Variants in URB2 observed in about 807,000 individuals in gnomAD.
URB2 encodes the protein unhealthy ribosome biogenesis protein 2 homolog.
URB2 carries 86 observed loss-of-function variants against 120.9 expected under a neutral mutation model. The ratio of observed to expected loss-of-function variants is 0.71; its 90% CI spans 0.60 to 0.85. The LOEUF is 0.85. Among genes scored for constraint, URB2 ranks in the 40% least tolerant of loss-of-function variants. The probability of loss-of-function intolerance (pLI) is 0.00; values close to 1 mark genes in which losing one functional copy is unlikely to be tolerated. For missense variants in URB2, 1,765 were observed against 1,836.5 expected, an observed-to-expected ratio of 0.96 and a Z score of 0.71; for synonymous variants, 755 against 758.4, an observed-to-expected ratio of 1.00 and a Z score of 0.07.
In URB2 at chr1:229,635,679, G is replaced by C. The variant is rs767066194; in HGVS notation, c.1066G>C (p.Glu356Gln). The change falls in exon 4 of 10, where the codon GAG (glutamate) becomes CAG (glutamine). Residue 356 changes from glutamate to glutamine, a missense_variant. By Grantham distance (29) the Glu-to-Gln change is conservative (BLOSUM62 2). Coordinates refer to ENST00000258243, the MANE Select transcript of URB2 (RefSeq NM_014777.4). Reference protein sequence around the residue: ...KALSTSDWTTELLVVEQLLNS... With the variant: ...KALSTSDWTTQLLVVEQLLNS... ...CCTGTCCACATCAGATTGGACCACA[G>C]AGCTTTTGGTTGTGGAACAGCTACT... 3.1e-6 allele frequency: 5 copies of C among 1,614,196 alleles called. No homozygotes were observed. The Admixed American group carries it at 8.3e-5, about 27-fold the overall frequency.
chr1:229,648,249 C>G (rs2102795756), intron 7 of URB2, among the ~76,000 whole-genome samples: 1 of 152,246 alleles, frequency 6.6e-6, no homozygotes, highest in East Asian at 1.9e-4. Flanking sequence ...TTAGATGGGT[C>G]CCATCTCCAA....
At position 229,647,825 on chromosome 1, in the gene URB2, G is replaced by A; in HGVS notation, c.4149+73G>A. ...GGTACTTGAAGTCTGTAGAAAAGTGGCAGCAAAACTTTACTGTTGCAGGAT... is the reference window on the plus strand; with the variant it reads ...GGTACTTGAAGTCTGTAGAAAAGTGACAGCAAAACTTTACTGTTGCAGGAT... On this transcript the variant is annotated intron_variant, in intron 7 of 9. Transcript: ENST00000258243. The A allele has an allele frequency of 9.7e-6, 15 of 1,538,896 alleles. No homozygotes were observed. The South Asian group carries it at 1.7e-4, about 18-fold the overall frequency.
intron 9 of URB2, 101 bp downstream of exon 9, chr1:229,654,489 C>A: frequency 6.5e-7 from 1 of 1,537,520 alleles, no homozygotes; most frequent in Non-Finnish European, 8.9e-7. Flanking sequence ...TCTGACAGTT[C>A]TCTGTTGCTG....
chr1:229,635,333 G>A lies in URB2; in HGVS notation c.720G>A (p.Met240Ile), dbSNP rs148010009. 1.1e-5 allele frequency: 17 copies of A among 1,614,194 alleles called. No individual in the cohort carries two copies. In the African/African-American group the frequency reaches 2.0e-4, roughly 19 times the overall value. Reference sequence around the variant, plus strand: ...ACATCAGGAGTCAGATTGAGGCCATGTTCCGAGGAGGGATTTTTCAGCCTG... The same window carrying A: ...ACATCAGGAGTCAGATTGAGGCCATATTCCGAGGAGGGATTTTTCAGCCTG... ...SRDIRSQIEAMFRGGIFQPEL... is the reference protein window; with the variant it reads ...SRDIRSQIEAIFRGGIFQPEL... Residue 240 changes from methionine to isoleucine, a missense_variant, in exon 4 of 10, where the codon ATG becomes ATA. By Grantham distance (10) the Met-to-Ile change is conservative. Transcript: ENST00000258243.
rs1666143456 is a variant in URB2, at chr1:229,646,195, T to G, written c.3906+226T>G. Among the ~76,000 whole-genome samples the G allele has an allele frequency of 2.0e-5, 3 of 152,168 alleles. No homozygotes were observed. In the South Asian group the frequency reaches 6.2e-4, roughly 32 times the overall value. On this transcript the variant is annotated intron_variant, in intron 6 of 9. Transcript: ENST00000258243. Reference sequence around the variant, plus strand: ...AAGGGAAGTGCTAACAAGGGACATTTAGTAGCACTGGGAAGCATCAGACAG... The same window carrying G: ...AAGGGAAGTGCTAACAAGGGACATTGAGTAGCACTGGGAAGCATCAGACAG...
At position 229,659,580 on chromosome 1, in the gene URB2, T is replaced by G; in HGVS notation, c.*283T>G. 6.8e-6 allele frequency: 2 copies of G among 294,292 alleles called. No individual in the cohort carries two copies. Among genetic ancestry groups the G allele is most frequent in the South Asian group, 6.5e-5 (1 of 15,438 alleles). 18.2% of individuals were successfully genotyped at this position (294,292 alleles called of 1,614,324 possible). A position where few individuals can be genotyped will look rare whatever the true frequency, so the allele number is the denominator to read the frequency against. Reference sequence around the variant, plus strand: ...GAAAAATTGCTGACTCTTGGGACCTTTCTGTGTTTGGTTCTCGTCTTGGCT... The same window carrying G: ...GAAAAATTGCTGACTCTTGGGACCTGTCTGTGTTTGGTTCTCGTCTTGGCT... On this transcript the variant is annotated 3_prime_UTR_variant, in exon 10 of 10. Coordinates refer to ENST00000258243, the MANE Select transcript of URB2 (RefSeq NM_014777.4).
chr1:229,627,853 TAG>T (rs1665550775), intron 2 of URB2, 94 bp downstream of exon 2: 4 of 1,430,800 alleles, frequency 2.8e-6, no homozygotes, highest in Non-Finnish European at 3.7e-6. Flanking sequence ...AATAAAAAAA[TAG>T]AGAAAAAGTT....
intron 4 of URB2, among the ~76,000 whole-genome samples, chr1:229,639,040 C>A (rs1170393538): frequency 6.6e-6 from 1 of 151,968 alleles, no homozygotes; most frequent in Non-Finnish European, 1.5e-5. Flanking sequence ...CAGAGCCAGG[C>A]GTGGCAGCTC....
At chr1:229,647,851 A>G in intron 7 of URB2, 99 bp downstream of exon 7, 1 of 1,489,574 alleles carries the variant, frequency 6.7e-7, no homozygotes. Flanking sequence ...GTTGCAGGAT[A>G]ATAATACAAA....
At chr1:229,651,774 C>T (rs1182567670) in intron 8 of URB2, among the ~76,000 whole-genome samples, 1 of 152,162 alleles carries the variant, frequency 6.6e-6, no homozygotes, top group East Asian at 1.9e-4. Context: ...TGTTTGTTTA[C>T]TAGGGAAACA....
In URB2 at chr1:229,636,994, C is replaced by G. The variant is rs1309131287; in HGVS notation, c.2381C>G (p.Ala794Gly). The G allele has an allele frequency of 6.2e-7, 1 of 1,614,100 alleles. No homozygotes were observed. The highest frequency in any genetic ancestry group is 1.7e-5 in the Admixed American group (1 of 60,032). Residue 794 changes from alanine to glycine, a missense_variant, in exon 4 of 10, where the codon GCC becomes GGC. Physicochemically the swap from Ala to Gly is moderately conservative, Grantham distance 60. Coordinates refer to ENST00000258243, the MANE Select transcript of URB2 (RefSeq NM_014777.4). The stretch of plus-strand genomic sequence containing the variant: ...ATCACACTGGAAAAAATATCCAAAG[C>G]CTTCCTTCATAGCCCTCTCTTTCCA... ...AYITLEKISK[A>G]FLHSPLFPEM...
rs1224226458 is a variant in URB2, at chr1:229,635,149, A to G, written c.536A>G (p.His179Arg). Residue 179 changes from histidine (H) to arginine (R), a missense_variant, in exon 4 of 10, where the codon CAT (histidine) becomes CGT (arginine). Coordinates refer to ENST00000258243, the MANE Select transcript of URB2 (RefSeq NM_014777.4). ...GAGGTCATTCACCTGGCCCTTGGCC[A>G]TTATCTCTTGATCCTGCAGCAGCAG... Reference protein sequence around the residue: ...LFEVIHLALGHYLLILQQQVN... With the variant: ...LFEVIHLALGRYLLILQQQVN... 2.5e-6 allele frequency: 4 copies of G among 1,613,958 alleles called. No homozygotes were observed. Among genetic ancestry groups the G allele is most frequent in the East Asian group, 2.2e-5 (1 of 44,890 alleles).
In URB2 at chr1:229,634,952, G is replaced by A. The variant is rs751410639; in HGVS notation, c.339G>A (p.Ser113=). 14 of 1,542,092 alleles carry A rather than the reference G, an allele frequency of 9.1e-6. No individual in the cohort carries two copies. Among genetic ancestry groups the A allele is most frequent in the African/African-American group, 1.4e-5 (1 of 72,146 alleles). The part of the protein sequence containing the change: ...INERVAEFSL[S]GSQRNICAVL... Reference sequence around the variant, plus strand: ...AGAGAGTAGCTGAGTTCTCTCTTTCGGGATCCCAAAGAAACATCTGTGCTG... The same window carrying A: ...AGAGAGTAGCTGAGTTCTCTCTTTCAGGATCCCAAAGAAACATCTGTGCTG... The change falls in exon 4 of 10, where the codon TCG becomes TCA. Residue 113 remains serine, a synonymous_variant. Transcript: ENST00000258243.
chr1:229,635,774 C>T lies in URB2; in HGVS notation c.1161C>T (p.Phe387=). Residue 387 remains phenylalanine (F), a synonymous_variant, in exon 4 of 10, where the codon TTC becomes TTT. Coordinates refer to ENST00000258243, the MANE Select transcript of URB2 (RefSeq NM_014777.4). ...ADRIRHEEAQ[F]RFYRHVAELL... is the part of the protein sequence containing the mutation. ...GAATTCGGCACGAAGAGGCTCAGTT[C>T]CGCTTTTACCGCCACGTGGCTGAGC... The T allele has an allele frequency of 6.2e-7, 1 of 1,614,224 alleles. No homozygotes were observed. The highest frequency in any genetic ancestry group is 1.1e-5 in the South Asian group (1 of 91,086).
chr1:229,650,497 C>T (rs1032168618), intron 7 of URB2, among the ~76,000 whole-genome samples: 5 of 152,136 alleles, frequency 3.3e-5, no homozygotes, highest in African/African-American at 1.2e-4. Context: ...GTGGTGCGAT[C>T]TTGGCTCACT....
intron 1 of URB2, among the ~76,000 whole-genome samples, chr1:229,626,557 C>G (rs931795754): frequency 6.6e-6 from 1 of 152,244 alleles, no homozygotes; most frequent in Non-Finnish European, 1.5e-5. Flanking sequence ...AAGGCGAACT[C>G]CCTCCTGGCT....
chr1:229,646,467 G>A (rs1174156184), intron 6 of URB2, among the ~76,000 whole-genome samples: 2 of 152,106 alleles, frequency 1.3e-5, no homozygotes, highest in African/African-American at 4.8e-5. Context: ...CAGCCAGCTT[G>A]TAGATGCCTA....
At chr1:229,651,344 C>T (rs371169211) in intron 8 of URB2, 22 bp downstream of exon 8, 35 of 1,600,684 alleles carry the variant, frequency 2.2e-5, no homozygotes, top group Non-Finnish European at 2.7e-5. Context: ...TAACATCAGA[C>T]ACAGTTTCAA....
Position 229,647,751 on chromosome 1 carries a change from A to G in URB2, c.4148A>G (p.Lys1383Arg). Residue 1383 changes from lysine to arginine, a missense_variant and splice_region_variant, in exon 7 of 10, where the codon AAG becomes AGG. Transcript: ENST00000258243. ...VLFSILQCHP[K>R]VMLKAIPSFL... ...TTCTCAATCCTGCAGTGTCACCCTA[A>G]GGTGAGAAGGAGGGTGAGAGTGGCA... 1 of 1,611,860 alleles carries G rather than the reference A, an allele frequency of 6.2e-7. No homozygotes were observed. Among genetic ancestry groups the G allele is most frequent in the Non-Finnish European group, 8.5e-7 (1 of 1,178,366 alleles).
Sources: allele counts gnomAD v4.1 joint callset (sites outside exome capture counted in the v4.1 genomes callset), GRCh38; gene constraint gnomAD v4.1.1; transcripts MANE v1.5; gene names NCBI Gene and HGNC (gene_info 2026-07-23, HGNC 2026-07-21).